CNTN5: variants seen among roughly 807,000 people sequenced by gnomAD.
The protein encoded by CNTN5 is contactin-5.
In CNTN5, 77 loss-of-function variants were observed where a neutral mutation model predicts 129.1. That is an observed-to-expected ratio of 0.60 (90% CI 0.50 to 0.72). The LOEUF is 0.72. Ranked by LOEUF, CNTN5 falls within the 30% of genes least tolerant of loss-of-function variation. The pLI, the probability that CNTN5 is intolerant of heterozygous loss-of-function variation, is 0.00. For missense variants in CNTN5, 1,478 were observed against 1,328.8 expected, an observed-to-expected ratio of 1.11 and a Z score of -1.75; for synonymous variants, 509 against 465.6, an observed-to-expected ratio of 1.09 and a Z score of -1.20.
chr11:99,033,935 T>C (rs1863547293), intron 1 of CNTN5, among the ~76,000 whole-genome samples: 1 of 151,450 alleles, frequency 6.6e-6, no homozygotes, highest in Non-Finnish European at 1.5e-5. Context: ...TATTTTGAAA[T>C]ACGTCCCATC....
At chr11:100,278,646 G>A (rs1030125973) in intron 18 of CNTN5, among the ~76,000 whole-genome samples, 2 of 151,960 alleles carry the variant, frequency 1.3e-5, no homozygotes, top group African/African-American at 4.8e-5. Flanking sequence ...ATTTTTGTAT[G>A]TTGATTTTGT....
intron 2 of CNTN5, among the ~76,000 whole-genome samples, chr11:99,390,832 T>C (rs566313427): frequency 2.6e-5 from 4 of 152,260 alleles, no homozygotes; most frequent in Admixed American, 1.3e-4. Context: ...TTAATGATAC[T>C]AACATAGGCA....
At position 100,207,632 on chromosome 11, in the gene CNTN5, G is replaced by C. The variant is rs139787124; in HGVS notation, c.1884+13969G>C. Among the ~76,000 whole-genome samples the C allele has an allele frequency of 9.4e-4, 143 of 152,116 alleles. 1 individual carries two copies. Among genetic ancestry groups the C allele is most frequent in the African/African-American group, 3.2e-3 (131 of 41,522 alleles). ...TGTTTTAAAGTACCTATTAAATATA[G>C]TGATAGTATTTCCTAAAAGCATTTT... On this transcript the variant is annotated intron_variant, in intron 15 of 24. Transcript: ENST00000524871.
intron 7 of CNTN5, among the ~76,000 whole-genome samples, chr11:99,948,184 C>T (rs532563898): frequency 2.0e-5 from 3 of 152,198 alleles, no homozygotes; most frequent in South Asian, 2.1e-4. Flanking sequence ...ATTATCTGTG[C>T]GACTTTTCAT....
At chr11:99,813,631 G>A (rs532087917) in intron 3 of CNTN5, among the ~76,000 whole-genome samples, 3 of 152,162 alleles carry the variant, frequency 2.0e-5, no homozygotes, top group African/African-American at 7.2e-5. Context: ...TCATTTAAAG[G>A]GTACTTTAGA....
At chr11:99,799,099 T>G (rs966448948) in intron 3 of CNTN5, among the ~76,000 whole-genome samples, 1 of 152,162 alleles carries the variant, frequency 6.6e-6, no homozygotes, top group Non-Finnish European at 1.5e-5. Flanking sequence ...TTACTGATTT[T>G]TGTACATTAA....
chr11:99,835,660 T>C (rs567468510), intron 4 of CNTN5, among the ~76,000 whole-genome samples: 4 of 135,792 alleles, frequency 2.9e-5, no homozygotes, highest in Admixed American at 7.4e-5. Flanking sequence ...TGGAAACATA[T>C]GGATGAAAAC....
chr11:99,144,926 T>C (rs1859703608), intron 1 of CNTN5, among the ~76,000 whole-genome samples: 1 of 152,124 alleles, frequency 6.6e-6, no homozygotes, highest in Admixed American at 6.5e-5. Flanking sequence ...TCCTTGGATT[T>C]TGGCACTGGA....
chr11:99,973,267 T>A (rs1937698480), intron 8 of CNTN5, among the ~76,000 whole-genome samples: 1 of 152,218 alleles, frequency 6.6e-6, no homozygotes. Flanking sequence ...TCTGGGGATT[T>A]TCAGGTGGTC....
At chr11:99,469,331 T>C (rs183731758) in intron 2 of CNTN5, among the ~76,000 whole-genome samples, 7 of 152,286 alleles carry the variant, frequency 4.6e-5, no homozygotes, top group Admixed American at 3.9e-4. Context: ...TATAAACTAT[T>C]CTACAGTTTT....
At chr11:100,096,070 A>G (rs1944999452) in intron 13 of CNTN5, among the ~76,000 whole-genome samples, 1 of 152,086 alleles carries the variant, frequency 6.6e-6, no homozygotes, top group African/African-American at 2.4e-5. Context: ...GCAGTTACAT[A>G]AAGCACTAAA....
chr11:99,189,355 G>A (rs1858516905), intron 1 of CNTN5, among the ~76,000 whole-genome samples: 1 of 151,530 alleles, frequency 6.6e-6, no homozygotes, highest in African/African-American at 2.4e-5. Context: ...AATGAGCATG[G>A]GAGTGAAGAT....
rs115376849 is a variant in CNTN5, at chr11:99,608,465, C to T, written c.55+52196C>T. On this transcript the variant is annotated intron_variant, in intron 3 of 24. Transcript: ENST00000524871. ...AATGTGACTTTATTTGGAGATTGGG[C>T]CTTTACAGAGGTAATCAATGTAAAA... Among the ~76,000 whole-genome samples the T allele has an allele frequency of 2.9e-3, 444 of 152,188 alleles. 2 individuals carry two copies. Among genetic ancestry groups the T allele is most frequent in the African/African-American group, 9.9e-3 (413 of 41,524 alleles).
intron 9 of CNTN5, among the ~76,000 whole-genome samples, chr11:100,041,718 A>G (rs1288030455): frequency 1.3e-5 from 2 of 152,236 alleles, no homozygotes; most frequent in African/African-American, 4.8e-5. Flanking sequence ...CTTATTTTTA[A>G]TGAAAGAAAA....
intron 1 of CNTN5, among the ~76,000 whole-genome samples, chr11:99,075,184 AT>A (rs751242469): frequency 6.6e-6 from 1 of 152,160 alleles, no homozygotes; most frequent in Non-Finnish European, 1.5e-5. Context: ...TGAAAATCAC[AT>A]TTTGTTTCTG....
intron 3 of CNTN5, among the ~76,000 whole-genome samples, chr11:99,772,314 A>G (rs1231040911): frequency 6.6e-6 from 1 of 152,102 alleles, no homozygotes; most frequent in East Asian, 1.9e-4. Flanking sequence ...ATACAGGTTA[A>G]GTCCGGAATG....
At chr11:99,762,596 G>C (rs988895712) in intron 3 of CNTN5, among the ~76,000 whole-genome samples, 9 of 152,002 alleles carry the variant, frequency 5.9e-5, no homozygotes, top group Non-Finnish European at 8.8e-5. Context: ...CGTTATTTCT[G>C]AGGGCTCTGT....
At chr11:100,060,395 T>A (rs1943415449) in intron 9 of CNTN5, among the ~76,000 whole-genome samples, 1 of 151,978 alleles carries the variant, frequency 6.6e-6, no homozygotes, top group Non-Finnish European at 1.5e-5. Context: ...AATTTATATT[T>A]AAAAAATAAC....
intron 9 of CNTN5, among the ~76,000 whole-genome samples, chr11:100,039,286 G>A (rs1411997286): frequency 6.6e-6 from 1 of 152,156 alleles, no homozygotes; most frequent in Non-Finnish European, 1.5e-5. Context: ...TAAGAATGTT[G>A]AATATTGGCC....
Sources: allele counts gnomAD v4.1 joint callset (sites outside exome capture counted in the v4.1 genomes callset), GRCh38; gene constraint gnomAD v4.1.1; transcripts MANE v1.5; gene names NCBI Gene and HGNC (gene_info 2026-07-23, HGNC 2026-07-21).